ABCG2: variants seen among roughly 807,000 people sequenced by gnomAD.
ABCG2 encodes the protein broad substrate specificity ATP-binding cassette transporter ABCG2.
ABCG2 carries 80 observed loss-of-function variants against 73.5 expected under a neutral mutation model. The ratio of observed to expected loss-of-function variants is 1.09; its 90% CI spans 0.91 to 1.31. ABCG2 has a LOEUF of 1.31. Ranked by LOEUF, ABCG2 falls within the 50% of genes most tolerant of loss-of-function variation. ABCG2 has a pLI of 0.00. For synonymous variants in ABCG2, 269 were observed against 282.4 expected (o/e 0.95, Z 0.48); for missense variants, 796 against 786.2 (o/e 1.01, Z -0.15).
intron 6 of ABCG2, among the ~76,000 whole-genome samples, chr4:88,120,041 A>G (rs998122039): frequency 2.6e-5 from 4 of 152,088 alleles, no homozygotes; most frequent in African/African-American, 9.7e-5. Flanking sequence ...GGAGGAAAAA[A>G]TGGTTTCCTA....
chr4:88,157,017 G>C (rs1339752121), intron 1 of ABCG2, among the ~76,000 whole-genome samples: 2 of 152,140 alleles, frequency 1.3e-5, no homozygotes, highest in African/African-American at 4.8e-5. Flanking sequence ...CAGGAGAATC[G>C]CTAGAACCTG....
Position 88,090,457 on chromosome 4 carries a change from T to C in ABCG2, c.*1777A>G, listed in dbSNP as rs905957278. On this transcript the variant is annotated 3_prime_UTR_variant, in exon 16 of 16. Transcript: ENST00000237612. ...TATACCAAGAACAGGAAAAACTGAT[T>C]AATCTTCCTGATCACATAACCAAGA... 1 of 152,180 alleles carries C rather than the reference T, an allele frequency of 6.6e-6. No individual in the cohort carries two copies. Among genetic ancestry groups the C allele is most frequent in the African/African-American group, 2.4e-5 (1 of 41,454 alleles). 9.4% of individuals were successfully genotyped at this position (152,180 alleles called of 1,614,324 possible).
At chr4:88,226,753 A>C (rs1238651787) in intron 1 of ABCG2, 2 of 152,400 alleles carry the variant, frequency 1.3e-5, no homozygotes, top group Non-Finnish European at 2.9e-5. Context: ...AAATATACTA[A>C]AATTGGAATG....
intron 6 of ABCG2, among the ~76,000 whole-genome samples, chr4:88,120,535 G>A (rs898630674): frequency 1.2e-4 from 19 of 152,204 alleles, no homozygotes; most frequent in African/African-American, 3.9e-4. Context: ...TGACTTGGAC[G>A]TGAGATATGG....
At chr4:88,171,674 G>T (rs757942558) in intron 1 of ABCG2, among the ~76,000 whole-genome samples, 98 of 151,576 alleles carry the variant, frequency 6.5e-4, no homozygotes, top group Non-Finnish European at 1.3e-3. Flanking sequence ...TCTATGGCTT[G>T]CTTGATCTCT....
chr4:88,163,237 A>G (rs1727385325), upstream of ABCG2, among the ~76,000 whole-genome samples: 1 of 152,258 alleles, frequency 6.6e-6, no homozygotes, highest in Non-Finnish European at 1.5e-5. Context: ...ATATGGCAAG[A>G]GAAAGTTCAG....
At chr4:88,171,406 G>A (rs1727752486) in intron 1 of ABCG2, among the ~76,000 whole-genome samples, 1 of 148,044 alleles carries the variant, frequency 6.8e-6, no homozygotes, top group African/African-American at 2.5e-5. Flanking sequence ...ACTGAGAAAA[G>A]AGGCATCAAA....
rs1241692604 is a variant in ABCG2, at chr4:88,194,878, G to C, written c.-20+36116C>G. 2.6e-5 allele frequency among the ~76,000 whole-genome samples: 4 copies of C among 152,110 alleles called. 1 individual carries two copies. The highest frequency in any genetic ancestry group is 9.7e-5 in the African/African-American group (4 of 41,410). On this transcript the variant is annotated intron_variant, in intron 1 of 15. Transcript: ENST00000515655. ...TGGGGAGCCCGATGGTGTAAGGCCT[G>C]GTGGCTCACTGGGACTTTGAGCTTT...
At chr4:88,107,785 A>T (rs1292888370) in intron 9 of ABCG2, among the ~76,000 whole-genome samples, 1 of 152,218 alleles carries the variant, frequency 6.6e-6, no homozygotes, top group African/African-American at 2.4e-5. Flanking sequence ...AGCACACATT[A>T]AAAAAATTCT....
At chr4:88,095,440 G>T in intron 14 of ABCG2, 80 bp downstream of exon 14, 1 of 1,281,474 alleles carries the variant, frequency 7.8e-7, no homozygotes, top group South Asian at 1.2e-5. Flanking sequence ...CTCATGGTCA[G>T]GGAAATGAGA....
intron 1 of ABCG2, among the ~76,000 whole-genome samples, chr4:88,173,383 C>A (rs141425302): frequency 6.6e-6 from 1 of 152,282 alleles, no homozygotes; most frequent in East Asian, 1.9e-4. Flanking sequence ...TAAATAGCTT[C>A]ATTAACCACA....
intron 1 of ABCG2, among the ~76,000 whole-genome samples, chr4:88,148,246 T>G (rs1726185720): frequency 6.6e-6 from 1 of 152,144 alleles, no homozygotes; most frequent in African/African-American, 2.4e-5. Flanking sequence ...TGCAGGGATT[T>G]GGGTATATGC....
chr4:88,191,678 T>C (rs1049966017), intron 1 of ABCG2, among the ~76,000 whole-genome samples: 2 of 152,172 alleles, frequency 1.3e-5, no homozygotes, highest in African/African-American at 2.4e-5. Flanking sequence ...AGTAGCATTA[T>C]CCATGGCAGC....
At chr4:88,209,856 G>A (rs1729521547) in intron 1 of ABCG2, among the ~76,000 whole-genome samples, 2 of 152,102 alleles carry the variant, frequency 1.3e-5, no homozygotes, top group Admixed American at 6.6e-5. Flanking sequence ...AATATACTGT[G>A]CTTTTCCTTT....
At chr4:88,127,641 T>C (rs1724525037) in intron 5 of ABCG2, among the ~76,000 whole-genome samples, 2 of 152,174 alleles carry the variant, frequency 1.3e-5, no homozygotes, top group Admixed American at 6.5e-5. Context: ...CATCTGATCT[T>C]TGACATACCT....
intron 5 of ABCG2, among the ~76,000 whole-genome samples, chr4:88,123,102 A>G (rs534726619): frequency 4.9e-4 from 74 of 152,330 alleles, no homozygotes; most frequent in African/African-American, 1.7e-3. Flanking sequence ...TGTTAGAAGG[A>G]AAACTAACAA....
intron 5 of ABCG2, among the ~76,000 whole-genome samples, chr4:88,122,094 C>T (rs1346799369): frequency 2.6e-5 from 4 of 151,986 alleles, no homozygotes; most frequent in Middle Eastern, 3.2e-3. Flanking sequence ...CAAGAGAAGC[C>T]GTGAGGGACT....
At position 88,155,766 on chromosome 4, in the gene ABCG2, C is replaced by T. The variant is rs186672712; in HGVS notation, c.-20+2620G>A. 2.9e-3 allele frequency among the ~76,000 whole-genome samples: 438 copies of T among 151,780 alleles called. 3 individuals are homozygous for T. The highest frequency in any genetic ancestry group is 6.0e-3 in the Admixed American group (92 of 15,264). Reference sequence around the variant, plus strand: ...CTAAAAACATTAAAAATTAGCTGGGCGTGGTGGCACATGCCTGTAATCCCT... The same window carrying T: ...CTAAAAACATTAAAAATTAGCTGGGTGTGGTGGCACATGCCTGTAATCCCT... On this transcript the variant is annotated intron_variant, in intron 1 of 15. Transcript: ENST00000237612.
intron 13 of ABCG2, 130 bp from the exon 14 acceptor site, chr4:88,095,739 C>G: frequency 1.4e-6 from 1 of 690,132 alleles, no homozygotes; most frequent in Non-Finnish European, 2.6e-6. Context: ...TTGAAGTTCT[C>G]TCCACTTACT....
Sources: allele counts gnomAD v4.1 joint callset (sites outside exome capture counted in the v4.1 genomes callset), GRCh38; gene constraint gnomAD v4.1.1; transcripts MANE v1.5; gene names NCBI Gene and HGNC (gene_info 2026-07-23, HGNC 2026-07-21).